The following EYA4 variants were observed in gnomAD, a reference collection of about 807,000 sequenced individuals.
The protein encoded by EYA4 is protein phosphatase EYA4.
Under a neutral mutation model 87.9 loss-of-function variants are expected in EYA4, and 31 were observed. That is an observed-to-expected ratio of 0.35 (90% confidence interval 0.27 to 0.48). The LOEUF is 0.48. Ranked by LOEUF, EYA4 falls within the 20% of genes least tolerant of loss-of-function variation. The probability of loss-of-function intolerance (pLI) is 0.99; values close to 1 mark genes in which losing one functional copy is unlikely to be tolerated. For synonymous variants in EYA4, 263 were observed against 270.6 expected (o/e 0.97, Z 0.28); for missense variants, 678 against 761.4 (o/e 0.89, Z 1.29).
intron 3 of EYA4, among the ~76,000 whole-genome samples, chr6:133,433,735 T>C (rs919570220): frequency 6.6e-6 from 1 of 152,156 alleles, no homozygotes; most frequent in Non-Finnish European, 1.5e-5. Flanking sequence ...AAGAGGACAT[T>C]GAACAGCAGA....
chr6:133,437,689 T>C (rs78914037), intron 3 of EYA4, among the ~76,000 whole-genome samples: 5,186 of 152,198 alleles, frequency 0.034, 257 homozygotes, highest in African/African-American at 0.1. Context: ...CTTATAATTA[T>C]GGCAAAAGGT....
chr6:133,325,765 C>T (rs1781453714), intron 2 of EYA4, among the ~76,000 whole-genome samples: 1 of 152,168 alleles, frequency 6.6e-6, no homozygotes, highest in Non-Finnish European at 1.5e-5. Context: ...AGAGCCATGG[C>T]TGCAGTTACC....
Position 133,523,109 on chromosome 6 carries a change from C to G in EYA4, c.1670C>G (p.Ala557Gly). Residue 557 changes from alanine (A) to glycine (G), a missense_variant, in exon 18 of 20, where the codon GCG becomes GGG. Coordinates refer to ENST00000355286, the MANE Select transcript of EYA4 (RefSeq NM_004100.5). ...VTTTQLIPAL[A>G]KVLLYSLGGA... ...ACAACTCAACTGATCCCAGCACTTG[C>G]GAAGGTTCTACTCTATAGTTTAGGA... 6.2e-7 allele frequency: 1 copy of G among 1,611,988 alleles called. No homozygotes were observed. The highest frequency in any genetic ancestry group is 1.1e-5 in the South Asian group (1 of 91,026).
In EYA4 at chr6:133,456,537, T is replaced by C; in HGVS notation, c.278-19T>C. On this transcript the variant is annotated intron_variant, in intron 5 of 19. Coordinates refer to ENST00000355286, the MANE Select transcript of EYA4 (RefSeq NM_004100.5). ...TAAATTTAGAAGTAAAACTCACATG[T>C]ACTTATTCTTCTACGTAGTGTCTCT... is the stretch of plus-strand genomic sequence containing the variant. 1 of 1,531,214 alleles carries C rather than the reference T, an allele frequency of 6.5e-7. No individual in the cohort carries two copies. Among genetic ancestry groups the C allele is most frequent in the Non-Finnish European group, 9.1e-7 (1 of 1,104,396 alleles). 94.9% of individuals were successfully genotyped at this position (1,531,214 alleles called of 1,614,324 possible).
chr6:133,258,568 G>T, intron 1 of EYA4, among the ~76,000 whole-genome samples: 1 of 152,192 alleles, frequency 6.6e-6, no homozygotes, highest in East Asian at 1.9e-4. Flanking sequence ...TTCAGAGTAC[G>T]TAGTGATGAC....
chr6:133,495,804 T>C lies in EYA4; in HGVS notation c.1192-10302T>C, dbSNP rs77309691. ...AGTTTCTGATTCAAGAGGTTTGAGG[T>C]GGGACCATAGGTTTTGCATTTGGAA... is the stretch of plus-strand genomic sequence containing the variant. On this transcript the variant is annotated intron_variant, in intron 13 of 19. Transcript: ENST00000355286. Among the ~76,000 whole-genome samples, 1,016 of 152,264 alleles carry C rather than the reference T, an allele frequency of 6.7e-3. 13 individuals carry two copies. Among genetic ancestry groups the C allele is most frequent in the African/African-American group, 0.023 (952 of 41,544 alleles).
intron 2 of EYA4, among the ~76,000 whole-genome samples, chr6:133,372,792 A>T (rs2128465912): frequency 6.6e-6 from 1 of 151,856 alleles, no homozygotes; most frequent in Admixed American, 6.6e-5. Context: ...ATATAGAGAT[A>T]TATGTTGTTA....
At chr6:133,247,615 T>A (rs1197751026) in intron 1 of EYA4, 1 of 152,252 alleles carries the variant, frequency 6.6e-6, no homozygotes, top group Non-Finnish European at 1.5e-5. Context: ...GTTAATAACC[T>A]GTTTTACAAT....
chr6:133,303,306 G>A (rs541213289), intron 2 of EYA4, among the ~76,000 whole-genome samples: 41 of 151,968 alleles, frequency 2.7e-4, no homozygotes, highest in Admixed American at 2.7e-3. Flanking sequence ...ATTTGTTTTG[G>A]CCTTTATGTC....
chr6:133,362,385 G>T (rs532262525), intron 2 of EYA4, among the ~76,000 whole-genome samples: 2 of 152,290 alleles, frequency 1.3e-5, no homozygotes, highest in African/African-American at 4.8e-5. Context: ...TGCTGATGAA[G>T]ATTACCTATT....
intron 2 of EYA4, among the ~76,000 whole-genome samples, chr6:133,281,648 C>T (rs373786422): frequency 2.6e-4 from 39 of 151,900 alleles, no homozygotes; most frequent in African/African-American, 8.9e-4. Flanking sequence ...TTCAGGGGTA[C>T]GTGTGCAGGT....
chr6:133,254,399 A>G (rs1775171969), intron 1 of EYA4, among the ~76,000 whole-genome samples: 1 of 152,190 alleles, frequency 6.6e-6, no homozygotes, highest in South Asian at 2.1e-4. Context: ...TATTAAAAAT[A>G]TACGTGGCCT....
chr6:133,466,435 A>G (rs1452238531), intron 10 of EYA4, among the ~76,000 whole-genome samples: 1 of 152,160 alleles, frequency 6.6e-6, no homozygotes, highest in Non-Finnish European at 1.5e-5. Flanking sequence ...ATAAAGTGTT[A>G]GGAATTGGTC....
intron 5 of EYA4, chr6:133,453,117 T>G (rs1241403843): frequency 6.6e-6 from 1 of 152,086 alleles, no homozygotes; most frequent in African/African-American, 2.4e-5. Flanking sequence ...AACATACATT[T>G]GAACAGTCAA....
At chr6:133,440,342 G>A (rs1214299549) in intron 3 of EYA4, among the ~76,000 whole-genome samples, 16 of 152,158 alleles carry the variant, frequency 1.1e-4, no homozygotes, top group Admixed American at 1.0e-3. Flanking sequence ...GGAAGCTACT[G>A]AGTTTGACAG....
chr6:133,521,212 T>C lies in EYA4; in HGVS notation c.1617-1844T>C, dbSNP rs555600026. ...ATGGGAGAAAATTTTCGCAACCTAC[T>C]CATCTGACAAAGGGCTGATATCCAG... On this transcript the variant is annotated intron_variant, in intron 17 of 19. Transcript: ENST00000355286. Among the ~76,000 whole-genome samples, 64 of 151,906 alleles carry C rather than the reference T, an allele frequency of 4.2e-4. No homozygotes were observed. The South Asian group carries it at 7.9e-3, about 19-fold the overall frequency.
chr6:133,475,262 A>C (rs212776), intron 11 of EYA4, among the ~76,000 whole-genome samples: 52,049 of 151,976 alleles, frequency 0.34, 10,183 homozygotes, highest in Non-Finnish European at 0.44. Context: ...TATATTGGGT[A>C]TATCAGATTT....
At chr6:133,517,273 A>G (rs1799678557) in intron 17 of EYA4, among the ~76,000 whole-genome samples, 1 of 151,940 alleles carries the variant, frequency 6.6e-6, no homozygotes, top group Admixed American at 6.6e-5. Context: ...AAAAATGGGT[A>G]TTAGGCTTAA....
intron 3 of EYA4, among the ~76,000 whole-genome samples, chr6:133,410,041 A>T (rs75461859): frequency 0.062 from 9,440 of 152,200 alleles, 851 homozygotes; most frequent in African/African-American, 0.19. Context: ...AACACTTCAA[A>T]TACGTCAGCC....
Sources: gnomAD v4.1 joint callset for allele counts (sites outside exome capture counted in the v4.1 genomes callset) on GRCh38, gnomAD v4.1.1 for gene constraint, MANE v1.5 for transcripts, NCBI Gene and HGNC (gene_info 2026-07-23, HGNC 2026-07-21) for gene names.